The following GRM3 variants were observed in gnomAD, a reference collection of about 807,000 sequenced individuals.
GRM3 encodes glutamate metabotropic receptor 3.
A neutral mutation model predicts 70.5 loss-of-function variants in GRM3; 26 were observed. That is an observed-to-expected ratio of 0.37 (90% CI 0.27 to 0.51). GRM3 has a LOEUF of 0.51. Ranked by LOEUF, GRM3 falls within the 20% of genes least tolerant of loss-of-function variation. GRM3 has a pLI of 0.93. For synonymous variants in GRM3, 443 were observed against 434.9 expected (o/e 1.02, Z -0.23); for missense variants, 859 against 1,123.8 (o/e 0.76, Z 3.37).
At chr7:86,807,748 G>T (rs572897677) in intron 3 of GRM3, among the ~76,000 whole-genome samples, 6 of 151,906 alleles carry the variant, frequency 3.9e-5, no homozygotes, top group Non-Finnish European at 7.4e-5. Flanking sequence ...TCTTTCTCTC[G>T]CCTGATTGCC....
At chr7:86,716,205 C>T (rs899887209) in intron 1 of GRM3, among the ~76,000 whole-genome samples, 1 of 151,836 alleles carries the variant, frequency 6.6e-6, no homozygotes, top group Non-Finnish European at 1.5e-5. Context: ...ATGGTCATCA[C>T]ACTTGACCTT....
chr7:86,849,226 A>T lies in GRM3; in HGVS notation c.2392-1144A>T, dbSNP rs1048611251. On this transcript the variant is annotated intron_variant, in intron 4 of 5. Transcript: ENST00000361669. ...AAATTGTCCCAGATTCAGATTTATGAAGGCTTTTGCATCACAGAATCAGAT... is the reference window on the plus strand; with the variant it reads ...AAATTGTCCCAGATTCAGATTTATGTAGGCTTTTGCATCACAGAATCAGAT... 3.3e-5 allele frequency among the ~76,000 whole-genome samples: 5 copies of T among 152,170 alleles called. 1 individual carries two copies. The highest frequency in any genetic ancestry group is 2.6e-4 in the Admixed American group (4 of 15,256).
chr7:86,833,052 G>A (rs1798385154), intron 3 of GRM3: 1 of 976,826 alleles, frequency 1.0e-6, no homozygotes, highest in African/African-American at 1.8e-5. Context: ...TGCAACACCA[G>A]TGAAAGGTGA....
intron 3 of GRM3, among the ~76,000 whole-genome samples, chr7:86,814,901 G>A (rs1797985299): frequency 6.6e-6 from 1 of 151,470 alleles, no homozygotes; most frequent in Non-Finnish European, 1.5e-5. Context: ...CATGGGCTCA[G>A]TGAATTATGC....
At chr7:86,660,170 A>T (rs891784818) in intron 1 of GRM3, among the ~76,000 whole-genome samples, 1 of 152,072 alleles carries the variant, frequency 6.6e-6, no homozygotes, top group African/African-American at 2.4e-5. Context: ...AGAAGAGACA[A>T]CTTTGAAAGA....
chr7:86,816,930 G>A (rs978089728), intron 3 of GRM3, among the ~76,000 whole-genome samples: 2 of 125,118 alleles, frequency 1.6e-5, no homozygotes, highest in Admixed American at 7.4e-5. Context: ...AGATCATTCA[G>A]GGAAAAGATG....
intron 1 of GRM3, among the ~76,000 whole-genome samples, chr7:86,677,117 T>C (rs1031043971): frequency 2.6e-5 from 4 of 151,988 alleles, no homozygotes; most frequent in African/African-American, 9.7e-5. Context: ...GGCATCTATC[T>C]ACCTGCTTTA....
chr7:86,819,862 A>G (rs891569726), intron 3 of GRM3, among the ~76,000 whole-genome samples: 3 of 152,176 alleles, frequency 2.0e-5, no homozygotes, highest in Non-Finnish European at 4.4e-5. Flanking sequence ...AAATAAAATG[A>G]GAATAGAAGT....
chr7:86,658,124 T>C (rs889284492), intron 1 of GRM3, among the ~76,000 whole-genome samples: 3 of 152,188 alleles, frequency 2.0e-5, no homozygotes, highest in Admixed American at 6.5e-5. Context: ...ACATAGTCTC[T>C]CTCCAGGGCT....
chr7:86,653,030 C>T (rs373743374), intron 1 of GRM3, among the ~76,000 whole-genome samples: 3 of 152,312 alleles, frequency 2.0e-5, no homozygotes, highest in East Asian at 3.9e-4. Context: ...GACCAGGTAG[C>T]TTAAACAACA....
At chr7:86,808,128 G>C (rs1797834213) in intron 3 of GRM3, among the ~76,000 whole-genome samples, 1 of 152,124 alleles carries the variant, frequency 6.6e-6, no homozygotes. Context: ...TTTTTGATGT[G>C]CTGCTGGATT....
chr7:86,819,758 C>G (rs17161023), intron 3 of GRM3, among the ~76,000 whole-genome samples: 8,168 of 152,204 alleles, frequency 0.054, 696 homozygotes, highest in African/African-American at 0.18. Context: ...TCCTTCAAAA[C>G]TTGTCCTTCC....
chr7:86,839,835 C>G lies in GRM3; in HGVS notation c.2321C>G (p.Thr774Ser), dbSNP rs1362139587. 1 of 1,613,938 alleles carries G rather than the reference C, an allele frequency of 6.2e-7. No homozygotes were observed. Among genetic ancestry groups the G allele is most frequent in the Admixed American group, 1.7e-5 (1 of 60,016 alleles). ...NFNEAKFIGF[T>S]MYTTCIIWLA... ...AACGAAGCTAAGTTCATAGGTTTTA[C>G]CATGTACACCACGTGCATCATCTGG... Residue 774 changes from threonine (T) to serine (S), a missense_variant, in exon 4 of 6, where the codon ACC becomes AGC. Thr to Ser is a moderately conservative substitution (Grantham distance 58). Coordinates refer to ENST00000361669, the MANE Select transcript of GRM3 (RefSeq NM_000840.3). The surrounding 1 kb of genome is among the most constrained non-coding windows in gnomAD (Gnocchi z 4.5).
At chr7:86,785,168 C>A (rs1797192730) in intron 2 of GRM3, among the ~76,000 whole-genome samples, 2 of 152,204 alleles carry the variant, frequency 1.3e-5, no homozygotes, top group Admixed American at 1.3e-4. Context: ...AATGTCATTT[C>A]TGATTAAAAT....
chr7:86,813,236 C>T (rs1797948604), intron 3 of GRM3, among the ~76,000 whole-genome samples: 1 of 151,772 alleles, frequency 6.6e-6, no homozygotes, highest in East Asian at 1.9e-4. Flanking sequence ...AGCCTTTTAG[C>T]AGTTCCTGTC....
chr7:86,778,911 T>C (rs1796967295), intron 2 of GRM3, among the ~76,000 whole-genome samples: 1 of 152,176 alleles, frequency 6.6e-6, no homozygotes, highest in African/African-American at 2.4e-5. Context: ...TAGGTTAGGA[T>C]GAGGTCATAC....
At chr7:86,663,124 G>T (rs1417936074) in intron 1 of GRM3, among the ~76,000 whole-genome samples, 1 of 151,680 alleles carries the variant, frequency 6.6e-6, no homozygotes, top group Non-Finnish European at 1.5e-5. Flanking sequence ...CATTTTACTA[G>T]ATCTCTCAGG....
intron 1 of GRM3, among the ~76,000 whole-genome samples, chr7:86,660,876 T>C (rs1204536518): frequency 6.6e-6 from 1 of 151,998 alleles, no homozygotes; most frequent in African/African-American, 2.4e-5. Flanking sequence ...TATTTAGCCA[T>C]GCCATTTTTG....
intron 1 of GRM3, among the ~76,000 whole-genome samples, chr7:86,689,782 G>T (rs1479783605): frequency 2.6e-5 from 4 of 152,080 alleles, no homozygotes; most frequent in African/African-American, 9.7e-5. Context: ...ATATAAATTA[G>T]AAAATTTTGA....
Sources: gnomAD v4.1 joint callset for allele counts (sites outside exome capture counted in the v4.1 genomes callset) on GRCh38, gnomAD v4.1.1 for gene constraint, Gnocchi (gnomAD v3.1) non-coding constraint, MANE v1.5 for transcripts, NCBI Gene and HGNC (gene_info 2026-07-23, HGNC 2026-07-21) for gene names.